Variants in DYNC2I1 observed in about 807,000 individuals in gnomAD.
The protein encoded by DYNC2I1 is dynein 2 intermediate chain 1.
Under a neutral mutation model 133.4 loss-of-function variants are expected in DYNC2I1, and 89 were observed. The observed-to-expected ratio is 0.67, with a 90% CI of 0.56 to 0.80. DYNC2I1 has a LOEUF of 0.80. Ranked by LOEUF, DYNC2I1 falls within the 30% of genes least tolerant of loss-of-function variation. The pLI is 0.00. For missense variants in DYNC2I1, 1,291 were observed against 1,314.5 expected, an observed-to-expected ratio of 0.98 and a Z score of 0.28; for synonymous variants, 504 against 484.3, an observed-to-expected ratio of 1.04 and a Z score of -0.54.
chr7:158,908,134 G>C (rs1337257862), intron 11 of DYNC2I1, among the ~76,000 whole-genome samples: 3 of 151,914 alleles, frequency 2.0e-5, no homozygotes, highest in African/African-American at 7.3e-5. Flanking sequence ...ACGCGTGTGG[G>C]GTGAGTTCTG....
At chr7:158,856,446 G>A (rs890068543), upstream of DYNC2I1, 1 of 367,342 alleles carries the variant, frequency 2.7e-6, no homozygotes. Flanking sequence ...TAGGAGCCGG[G>A]GAAGCGCAGG....
chr7:158,860,851 A>G (rs1020260704), intron 1 of DYNC2I1, among the ~76,000 whole-genome samples: 1 of 152,338 alleles, frequency 6.6e-6, no homozygotes, highest in East Asian at 1.9e-4. Context: ...GTACAGTGCA[A>G]TGCCGTTTCA....
In DYNC2I1 at chr7:158,922,489, C is replaced by G. The variant is rs1377542593; in HGVS notation, c.2034C>G (p.Leu678=). 5.0e-6 allele frequency: 8 copies of G among 1,613,846 alleles called. No homozygotes were observed. The highest frequency in any genetic ancestry group is 3.3e-5 in the South Asian group (3 of 91,080). The change falls in exon 16 of 25, where the codon CTC becomes CTG. Residue 678 remains leucine (L), a synonymous_variant. Transcript: ENST00000407559. ...FVPLLDSKYV[L]CVWDIWQPSG... Reference sequence around the variant, plus strand: ...CCCTGCTGGACAGCAAATACGTCCTCTGTGTGTGGGATATTTGGCAGCCTT... The same window carrying G: ...CCCTGCTGGACAGCAAATACGTCCTGTGTGTGTGGGATATTTGGCAGCCTT...
At chr7:158,884,413 C>A in intron 5 of DYNC2I1, 151 bp from the exon 6 acceptor site, 1 of 580,766 alleles carries the variant, frequency 1.7e-6, no homozygotes, top group Non-Finnish European at 2.9e-6. Context: ...CTAAAAATAA[C>A]TGGTAAAAAT....
Position 158,883,879 on chromosome 7 carries a change from T to A in DYNC2I1, c.880-685T>A, listed in dbSNP as rs1432663924. 4.0e-5 allele frequency among the ~76,000 whole-genome samples: 6 copies of A among 150,320 alleles called. No individual in the cohort carries two copies. The East Asian group carries it at 1.2e-3, about 30-fold the overall frequency. Reference sequence around the variant, plus strand: ...CGGAGTTTCACCGTGTTAGCCAGGATGGTCTCGATCTCCTGACCTCGTGAT... The same window carrying A: ...CGGAGTTTCACCGTGTTAGCCAGGAAGGTCTCGATCTCCTGACCTCGTGAT... On this transcript the variant is annotated intron_variant, in intron 5 of 24. Coordinates refer to ENST00000407559, the MANE Select transcript of DYNC2I1 (RefSeq NM_018051.5).
In DYNC2I1 at chr7:158,871,404, C is replaced by T. The variant is rs1407737983; in HGVS notation, c.332C>T (p.Ala111Val). ...KEKLKEKHRE[A>V]EKSHSRGKDR... ...AAGCTGAAGGAGAAACATCGAGAGG[C>T]AGAAAAGTCTCACAGCAGAGGAAAG... Residue 111 changes from alanine (A) to valine (V), a missense_variant, in exon 3 of 25, where the codon GCA (alanine) becomes GTA (valine). Transcript: ENST00000407559. 6 of 1,551,564 alleles carry T rather than the reference C, an allele frequency of 3.9e-6. No homozygotes were observed. The highest frequency in any genetic ancestry group is 4.4e-6 in the Non-Finnish European group (5 of 1,146,992).
chr7:158,937,846 G>T (rs1356487580), intron 23 of DYNC2I1, among the ~76,000 whole-genome samples: 1 of 152,110 alleles, frequency 6.6e-6, no homozygotes, highest in Non-Finnish European at 1.5e-5. Flanking sequence ...GCTGCAGTGA[G>T]CCCTGATTGT....
downstream of DYNC2I1, among the ~76,000 whole-genome samples, chr7:158,946,962 A>G (rs542760667): frequency 4.1e-4 from 63 of 152,278 alleles, no homozygotes; most frequent in African/African-American, 1.4e-3. Flanking sequence ...CCCCTCCCCA[A>G]CGGCAGGGCT....
chr7:158,923,544 T>C (rs745474562), intron 16 of DYNC2I1, 27 bp from the exon 17 acceptor site: 8 of 1,613,946 alleles, frequency 5.0e-6, no homozygotes. Context: ...TCTTCTGTCA[T>C]TGGCTTTCTG....
chr7:158,923,513 G>C lies in DYNC2I1; in HGVS notation c.2095-58G>C. Reference sequence around the variant, plus strand: ...ACACCCCACTCAGTAAATGCAGCTTGTGTTAGCATGCTTCTCATATTCTTC... The same window carrying C: ...ACACCCCACTCAGTAAATGCAGCTTCTGTTAGCATGCTTCTCATATTCTTC... On this transcript the variant is annotated intron_variant, in intron 16 of 24. Transcript: ENST00000407559. The C allele has an allele frequency of 1.9e-6, 3 of 1,612,902 alleles. 1 individual carries two copies. In the South Asian group the frequency reaches 3.3e-5, roughly 18 times the overall value.
intron 14 of DYNC2I1, among the ~76,000 whole-genome samples, chr7:158,918,499 G>A (rs1848701349): frequency 6.6e-6 from 1 of 152,172 alleles, no homozygotes; most frequent in Non-Finnish European, 1.5e-5. Flanking sequence ...AGCAGTGTAT[G>A]TGGTGTGAAA....
intron 7 of DYNC2I1, among the ~76,000 whole-genome samples, chr7:158,887,508 T>A (rs1331169932): frequency 6.6e-6 from 1 of 152,072 alleles, no homozygotes. Context: ...AAGAGACAAT[T>A]AATAATAATA....
At chr7:158,852,881 T>C (rs199535869), upstream of DYNC2I1, among the ~76,000 whole-genome samples, 1 of 152,278 alleles carries the variant, frequency 6.6e-6, no homozygotes. Context: ...GTATAGCTAA[T>C]TGCTATAAGT....
At chr7:158,892,106 C>T (rs1228790911) in intron 8 of DYNC2I1, among the ~76,000 whole-genome samples, 1 of 152,154 alleles carries the variant, frequency 6.6e-6, no homozygotes, top group Non-Finnish European at 1.5e-5. Context: ...CTGCGTACTC[C>T]ACTGTCTCCT....
chr7:158,913,140 TTC>T (rs1201589391), intron 13 of DYNC2I1, 44 bp downstream of exon 13: 1 of 1,398,168 alleles, frequency 7.2e-7, no homozygotes, highest in East Asian at 2.4e-5. Context: ...TCTCTTTACA[TTC>T]TTTTTTGTTT....
At chr7:158,872,854 A>T (rs1432471702) in intron 3 of DYNC2I1, among the ~76,000 whole-genome samples, 1 of 151,814 alleles carries the variant, frequency 6.6e-6, no homozygotes, top group Non-Finnish European at 1.5e-5. Context: ...GAAAAGCAAA[A>T]ATTAGCTGGA....
At chr7:158,914,522 AAAT>A (rs762528701) in intron 14 of DYNC2I1, among the ~76,000 whole-genome samples, 1 of 152,230 alleles carries the variant, frequency 6.6e-6, no homozygotes, top group Admixed American at 6.5e-5. Context: ...GACCCTGGGT[AAAT>A]GTATATCACT....
chr7:158,854,479 C>A (rs1171290731), upstream of DYNC2I1, among the ~76,000 whole-genome samples: 1 of 142,514 alleles, frequency 7.0e-6, no homozygotes, highest in Non-Finnish European at 1.5e-5. Context: ...GGGAGAGGAA[C>A]ATCACACGTG....
chr7:158,885,739 C>T (rs1844534107), intron 6 of DYNC2I1, among the ~76,000 whole-genome samples: 2 of 152,186 alleles, frequency 1.3e-5, no homozygotes, highest in African/African-American at 4.8e-5. Flanking sequence ...GGTTAAATAT[C>T]TTACCCAAAT....
Sources: allele counts gnomAD v4.1 joint callset (sites outside exome capture counted in the v4.1 genomes callset), GRCh38; gene constraint gnomAD v4.1.1; transcripts MANE v1.5; gene names NCBI Gene and HGNC (gene_info 2026-07-23, HGNC 2026-07-21).